The following NOTCH3 variants were observed in gnomAD, a reference collection of about 807,000 sequenced individuals.
The protein encoded by NOTCH3 is neurogenic locus notch homolog protein 3.
A neutral mutation model predicts 213.3 loss-of-function variants in NOTCH3; 86 were observed. The ratio of observed to expected loss-of-function variants is 0.40; its 90% confidence interval spans 0.34 to 0.48. The LOEUF (loss-of-function observed/expected upper bound fraction) is 0.48, where lower values mean the gene tolerates loss of function less well. Ranked by LOEUF, NOTCH3 falls within the 20% of genes least tolerant of loss-of-function variation. NOTCH3 has a pLI of 0.57. For missense variants in NOTCH3, 2,783 were observed against 3,272.6 expected (o/e 0.85, Z 3.65); for synonymous variants, 1,354 against 1,355.9 (o/e 1.00, Z 0.03).
chr19:15,170,176 G>A lies in NOTCH3; in HGVS notation c.5115-6C>T, dbSNP rs748990699. 1.5e-5 allele frequency: 24 copies of A among 1,596,536 alleles called. No individual in the cohort carries two copies. The highest frequency in any genetic ancestry group is 3.3e-4 in the Middle Eastern group (2 of 6,062). ...TCTCACCCTTGGCCATGTTCCTGGC[G>A]GACAATGGGAAGAGGGGATGTGAGG... On this transcript the variant is annotated splice_polypyrimidine_tract_variant and splice_region_variant and intron_variant, in intron 27 of 32. Coordinates refer to ENST00000263388, the MANE Select transcript of NOTCH3 (RefSeq NM_000435.3).
At chr19:15,194,645 G>A (rs1230680190) in intron 2 of NOTCH3, among the ~76,000 whole-genome samples, 1 of 152,074 alleles carries the variant, frequency 6.6e-6, no homozygotes, top group Non-Finnish European at 1.5e-5. Flanking sequence ...CAGGCAGAGG[G>A]AACAGCAAAT....
intron 24 of NOTCH3, among the ~76,000 whole-genome samples, chr19:15,174,731 G>T (rs7408855): frequency 0.9 from 136,807 of 151,992 alleles, 61,869 homozygotes; most frequent in African/African-American, 0.97. Context: ...GCACCACCAC[G>T]CCCGTCTAAT....
rs1568351370 is a variant in NOTCH3, at chr19:15,173,108, T to TC, written c.4736+959_4736+960insG. Reference sequence around the variant, plus strand: ...CTTCTTCTTCTTCTTCTTCTTCTTTTTTTTTTTTTTTTTTTTTTTTAAGAG... The same window carrying TC: ...CTTCTTCTTCTTCTTCTTCTTCTTTTCTTTTTTTTTTTTTTTTTTTTAAGAG... On this transcript the variant is annotated intron_variant, in intron 25 of 32. Coordinates refer to ENST00000263388, the MANE Select transcript of NOTCH3 (RefSeq NM_000435.3). Among the ~76,000 whole-genome samples the TC allele has an allele frequency of 2.9e-3, 80 of 27,628 alleles. 11 individuals carry two copies. Among genetic ancestry groups the TC allele is most frequent in the African/African-American group, 9.2e-3 (21 of 2,274 alleles). 18.1% of individuals were successfully genotyped at this position (27,628 alleles called of 152,430 possible).
chr19:15,180,917 T>A, intron 18 of NOTCH3, 44 bp downstream of exon 18: 1 of 1,584,146 alleles, frequency 6.3e-7, no homozygotes, highest in Non-Finnish European at 8.6e-7. Flanking sequence ...CCTCCTAGGA[T>A]CCCAGGCAGG....
chr19:15,185,004 A>C lies in NOTCH3; in HGVS notation c.2312T>G (p.Leu771Arg). 2 of 1,515,962 alleles carry C rather than the reference A, an allele frequency of 1.3e-6. No individual in the cohort carries two copies. Among genetic ancestry groups the C allele is most frequent in the Non-Finnish European group, 1.8e-6 (2 of 1,121,720 alleles). 93.9% of individuals were successfully genotyped at this position (1,515,962 alleles called of 1,614,324 possible). A position where few individuals can be genotyped will look rare whatever the true frequency, so the allele number is the denominator to read the frequency against. ...GGGGTTCGGGGTGCAGGGGGAGAGG[A>C]GTTCACACTGACGTCCTGTTGGGGG... ...PPGVQGRQCE[L>R]LSPCTPNPCE... Residue 771 changes from leucine to arginine, a missense_variant, in exon 15 of 33, where the codon CTC becomes CGC. By Grantham distance (102) the Leu-to-Arg change is moderately radical. This residue lies in a region of NOTCH3 where 861 missense variants were observed against 909.1 expected (regional missense o/e 0.95). Transcript: ENST00000263388. This position sits in a 1 kb window ranked among gnomAD's most constrained non-coding sequence, Gnocchi z 4.2.
At chr19:15,161,850 C>T in intron 32 of NOTCH3, 136 bp from the exon 33 acceptor site, 1 of 705,460 alleles carries the variant, frequency 1.4e-6, no homozygotes. Flanking sequence ...CCCGGCTGTG[C>T]TGGGGGAGCC....
chr19:15,170,888 A>T, intron 25 of NOTCH3, 63 bp from the exon 26 acceptor site: 3 of 1,573,834 alleles, frequency 1.9e-6, no homozygotes, highest in South Asian at 2.3e-5. Flanking sequence ...CCCTGGTACC[A>T]AGCCCCACTT....
intron 2 of NOTCH3, 135 bp downstream of exon 2, chr19:15,197,365 T>G: frequency 1.2e-6 from 1 of 824,572 alleles, no homozygotes; most frequent in Non-Finnish European, 2.0e-6. Flanking sequence ...ACACGAGAGG[T>G]TGCCCAAGCC....
Position 15,161,316 on chromosome 19 carries a change from C to A in NOTCH3, c.6312G>T (p.Ser2104=). ...DSSVTLSPVD[S]LDSPRPFGGP... ...CACCGAAAGGCCGCGGGGAGTCCAG[C>A]GAGTCCACGGGCGACAGCGTGACCG... The change falls in exon 33 of 33, where the codon TCG becomes TCT. Residue 2104 remains serine, a synonymous_variant. Transcript: ENST00000263388. 6.5e-7 allele frequency: 1 copy of A among 1,527,078 alleles called. No individual in the cohort carries two copies. Among genetic ancestry groups the A allele is most frequent in the Non-Finnish European group, 8.8e-7 (1 of 1,139,274 alleles). The allele number at this position is 1,527,078 out of a possible 1,614,324, so 94.6% of individuals were successfully genotyped here. A position where few individuals can be genotyped will look rare whatever the true frequency, so the allele number is the denominator to read the frequency against.
chr19:15,187,394 GA>G, intron 10 of NOTCH3, 56 bp from the exon 11 acceptor site: 1 of 1,505,334 alleles, frequency 6.6e-7, no homozygotes, highest in Non-Finnish European at 9.1e-7. Flanking sequence ...GCCCACAAGT[GA>G]GGCCTCGGAC....
At chr19:15,175,533 TAAA>T (rs34762214) in intron 24 of NOTCH3, among the ~76,000 whole-genome samples, 2 of 44,236 alleles carry the variant, frequency 4.5e-5, no homozygotes, top group African/African-American at 1.9e-4. Flanking sequence ...AAATCCTGTC[TAAA>T]AAAAAAAAAA....
At chr19:15,173,561 T>A (rs367850842) in intron 25 of NOTCH3, among the ~76,000 whole-genome samples, 3 of 151,636 alleles carry the variant, frequency 2.0e-5, no homozygotes, top group East Asian at 3.9e-4. Context: ...TTATCTTCTA[T>A]GTCTTTAAGA....
intron 25 of NOTCH3, among the ~76,000 whole-genome samples, chr19:15,171,309 G>A (rs893282883): frequency 5.3e-5 from 8 of 152,000 alleles, no homozygotes; most frequent in Non-Finnish European, 8.8e-5. Flanking sequence ...GATTACAGGC[G>A]TGAGCCGCCA....
chr19:15,173,030 C>T (rs1467625843), intron 25 of NOTCH3, among the ~76,000 whole-genome samples: 5 of 16,526 alleles, frequency 3.0e-4, no homozygotes, highest in African/African-American at 1.9e-3. Flanking sequence ...TCTTCCTCCC[C>T]CTCCCCCTCC....
At chr19:15,192,563 G>A (rs1251457158) in intron 2 of NOTCH3, 44 bp from the exon 3 acceptor site, 2 of 1,551,022 alleles carry the variant, frequency 1.3e-6, no homozygotes, top group Non-Finnish European at 1.7e-6. Context: ...GGGCAGGATG[G>A]CCCCAGACAC....
chr19:15,197,444 C>CCCA, intron 2 of NOTCH3, 56 bp downstream of exon 2: 1 of 662,100 alleles, frequency 1.5e-6, no homozygotes. Flanking sequence ...ACAAATCGCC[C>CCCA]CTCCCCCCCG....
chr19:15,161,024 C>A lies in NOTCH3; in HGVS notation c.6604G>T (p.Val2202Phe). The change falls in exon 33 of 33, where the codon GTC (valine) becomes TTC (phenylalanine). Residue 2202 changes from valine to phenylalanine, a missense_variant. Around this residue, in one of 6 missense-constraint regions of NOTCH3, gnomAD observed 441 missense variants for 432.1 expected, o/e 1.02. Transcript: ENST00000263388. ...GPQLLNPGTPVSPQERPPPYL... is the reference protein window; with the variant it reads ...GPQLLNPGTPFSPQERPPPYL... ...GGCGGGGGCCGCTCCTGCGGGGAGACGGGGGTCCCTGGGTTGAGCAGCTGG... is the reference window on the plus strand; with the variant it reads ...GGCGGGGGCCGCTCCTGCGGGGAGAAGGGGGTCCCTGGGTTGAGCAGCTGG... The A allele has an allele frequency of 6.5e-7, 1 of 1,536,756 alleles. No homozygotes were observed. The highest frequency in any genetic ancestry group is 8.8e-7 in the Non-Finnish European group (1 of 1,142,532).
chr19:15,176,592 T>C (rs2046791553), intron 24 of NOTCH3, among the ~76,000 whole-genome samples: 1 of 151,468 alleles, frequency 6.6e-6, no homozygotes. Flanking sequence ...CGAAACCCCA[T>C]CTCTAAGAAA....
intron 17 of NOTCH3, 84 bp downstream of exon 17, chr19:15,181,492 G>T: frequency 8.8e-7 from 1 of 1,142,426 alleles, no homozygotes; most frequent in Non-Finnish European, 1.3e-6. Context: ...ACTCCCCCAA[G>T]TCGTTGCTGT....
Sources: allele counts gnomAD v4.1 joint callset (sites outside exome capture counted in the v4.1 genomes callset), GRCh38; gene constraint gnomAD v4.1.1; regional missense constraint gnomAD v4.1.1; non-coding constraint Gnocchi (gnomAD v3.1); transcripts MANE v1.5; gene names NCBI Gene and HGNC (gene_info 2026-07-23, HGNC 2026-07-21).